The following KCNH8 variants were observed in gnomAD, a reference collection of about 807,000 sequenced individuals.
KCNH8 encodes the protein voltage-gated delayed rectifier potassium channel KCNH8.
A neutral mutation model predicts 103.6 loss-of-function variants in KCNH8; 70 were observed. The observed-to-expected ratio is 0.68, with a 90% confidence interval of 0.56 to 0.82. The LOEUF (loss-of-function observed/expected upper bound fraction) is 0.82, where lower values mean the gene tolerates loss of function less well. KCNH8 is among the 40% of genes least tolerant of loss of function. KCNH8 has a pLI of 0.00. For synonymous variants in KCNH8, 498 were observed against 489.4 expected, an observed-to-expected ratio of 1.02 and a Z score of -0.23; for missense variants, 1,217 against 1,329.9, an observed-to-expected ratio of 0.92 and a Z score of 1.32.
intron 7 of KCNH8, 119 bp downstream of exon 7, chr3:19,395,430 T>G (rs1352958786): frequency 1.6e-6 from 1 of 625,568 alleles, no homozygotes; most frequent in Non-Finnish European, 2.7e-6. Context: ...TCAATTTGTC[T>G]AATTAATTTC....
At chr3:19,292,827 A>G (rs763607598) in intron 3 of KCNH8, among the ~76,000 whole-genome samples, 2 of 152,148 alleles carry the variant, frequency 1.3e-5, no homozygotes, top group African/African-American at 4.8e-5. Flanking sequence ...GCCTCTTTCT[A>G]TGAGGGTTCT....
chr3:19,524,742 G>A (rs891499122), intron 15 of KCNH8, among the ~76,000 whole-genome samples: 1 of 151,918 alleles, frequency 6.6e-6, no homozygotes, highest in African/African-American at 2.4e-5. Context: ...AGGACTAAAT[G>A]GATATATCAG....
intron 15 of KCNH8, among the ~76,000 whole-genome samples, chr3:19,528,736 A>G (rs2125252747): frequency 1.3e-5 from 2 of 152,244 alleles, no homozygotes; most frequent in African/African-American, 4.8e-5. Context: ...CAAAGGCAAT[A>G]TAACAACCAA....
intron 7 of KCNH8, among the ~76,000 whole-genome samples, chr3:19,433,661 G>C (rs922916779): frequency 6.6e-6 from 1 of 152,182 alleles, no homozygotes; most frequent in Non-Finnish European, 1.5e-5. Context: ...TGTTTCAGGT[G>C]TTTATCTCAA....
At chr3:19,369,523 A>G (rs1574976227) in intron 5 of KCNH8, among the ~76,000 whole-genome samples, 1 of 152,094 alleles carries the variant, frequency 6.6e-6, no homozygotes, top group East Asian at 1.9e-4. Flanking sequence ...TAGCATTTCA[A>G]TGTTGGTGGC....
At chr3:19,516,148 G>C (rs1046743503) in intron 14 of KCNH8, among the ~76,000 whole-genome samples, 1 of 152,052 alleles carries the variant, frequency 6.6e-6, no homozygotes, top group Non-Finnish European at 1.5e-5. Context: ...ACTACCTAAT[G>C]CAAGGCCAGC....
intron 9 of KCNH8, chr3:19,450,927 A>T: frequency 3.8e-6 from 2 of 520,860 alleles, no homozygotes; most frequent in Non-Finnish European, 3.4e-6. Flanking sequence ...AGGCTTTTTT[A>T]ATTTGTTCTG....
chr3:19,197,309 A>ATTTAGTT (rs2063612116), intron 1 of KCNH8, among the ~76,000 whole-genome samples: 1 of 151,860 alleles, frequency 6.6e-6, no homozygotes, highest in Non-Finnish European at 1.5e-5. Flanking sequence ...GTTTTCTCGG[A>ATTTAGTT]TTTAGTTTTC....
rs926457390 is a variant in KCNH8 at position 19,534,814 on chromosome 3, T to A, written c.*715T>A. The A allele has an allele frequency of 6.6e-6, 1 of 152,406 alleles. No individual in the cohort carries two copies. The highest frequency in any genetic ancestry group is 1.5e-5 in the Non-Finnish European group (1 of 68,042). 9.4% of individuals were successfully genotyped at this position (152,406 alleles called of 1,614,324 possible). A position where few individuals can be genotyped will look rare whatever the true frequency, so the allele number is the denominator to read the frequency against. ...ACAAGAAATGCACTACTGTTGTGTA[T>A]AGTAGATCAAAAATTATTTATTACT... On this transcript the variant is annotated 3_prime_UTR_variant, in exon 16 of 16. Coordinates refer to ENST00000328405, the MANE Select transcript of KCNH8 (RefSeq NM_144633.3).
At chr3:19,152,346 A>G (rs1194114788) in intron 1 of KCNH8, among the ~76,000 whole-genome samples, 1 of 152,198 alleles carries the variant, frequency 6.6e-6, no homozygotes, top group Admixed American at 6.5e-5. Flanking sequence ...ATACCATTTG[A>G]GAAAAACAGC....
intron 3 of KCNH8, among the ~76,000 whole-genome samples, chr3:19,285,865 AAAT>A (rs1207246523): frequency 6.6e-6 from 1 of 152,194 alleles, no homozygotes; most frequent in Non-Finnish European, 1.5e-5. Context: ...AGAATGACAG[AAAT>A]AATAAATTCT....
intron 1 of KCNH8, among the ~76,000 whole-genome samples, chr3:19,194,797 G>A (rs936303063): frequency 2.0e-5 from 3 of 151,740 alleles, no homozygotes; most frequent in Non-Finnish European, 1.5e-5. Context: ...TAAAAAACAA[G>A]AGAAGGTCGT....
intron 3 of KCNH8, among the ~76,000 whole-genome samples, chr3:19,330,973 G>GA (rs2065496947): frequency 6.6e-6 from 1 of 152,062 alleles, no homozygotes; most frequent in South Asian, 2.1e-4. Context: ...CAAAATTGCA[G>GA]TATCTGCCAT....
intron 1 of KCNH8, among the ~76,000 whole-genome samples, chr3:19,223,732 A>G (rs781393981): frequency 6.6e-6 from 1 of 152,094 alleles, no homozygotes; most frequent in African/African-American, 2.4e-5. Flanking sequence ...ACCATTTGAG[A>G]CTGCAAAACC....
chr3:19,330,592 G>T (rs1484068399), intron 3 of KCNH8, among the ~76,000 whole-genome samples: 1 of 152,160 alleles, frequency 6.6e-6, no homozygotes, highest in African/African-American at 2.4e-5. Flanking sequence ...CCATTTGGGG[G>T]CATTACAAAC....
chr3:19,531,685 A>AG (rs2069164080), intron 15 of KCNH8, among the ~76,000 whole-genome samples: 1 of 152,216 alleles, frequency 6.6e-6, no homozygotes, highest in Admixed American at 6.5e-5. Flanking sequence ...TGGACCTGCC[A>AG]GGGAGAATTA....
At chr3:19,480,648 A>T (rs764856448) in intron 11 of KCNH8, among the ~76,000 whole-genome samples, 1 of 152,188 alleles carries the variant, frequency 6.6e-6, no homozygotes, top group Non-Finnish European at 1.5e-5. Context: ...TTCACTTCTA[A>T]AATTGCTATC....
At chr3:19,277,137 G>C (rs754340803) in intron 2 of KCNH8, among the ~76,000 whole-genome samples, 1 of 152,104 alleles carries the variant, frequency 6.6e-6, no homozygotes, top group Non-Finnish European at 1.5e-5. Flanking sequence ...TCATATTTGA[G>C]AGCTAAAAAA....
chr3:19,417,770 A>G (rs919519015), intron 7 of KCNH8, among the ~76,000 whole-genome samples: 4 of 152,152 alleles, frequency 2.6e-5, no homozygotes, highest in African/African-American at 9.6e-5. Context: ...AGATATGAAG[A>G]AAGACAAAAC....
Sources: allele counts gnomAD v4.1 joint callset (sites outside exome capture counted in the v4.1 genomes callset), GRCh38; gene constraint gnomAD v4.1.1; transcripts MANE v1.5; gene names NCBI Gene and HGNC (gene_info 2026-07-23, HGNC 2026-07-21).